Variants in GALNT5 observed in about 807,000 individuals in gnomAD.
GALNT5 encodes UDP-GalNAc:polypeptide N-acetylgalactosaminyltransferase 5.
Under a neutral mutation model 85.4 loss-of-function variants are expected in GALNT5, and 72 were observed. The ratio of observed to expected loss-of-function variants is 0.84; its 90% confidence interval spans 0.70 to 1.03. The LOEUF (loss-of-function observed/expected upper bound fraction) is 1.03. GALNT5 is among the 50% of genes least tolerant of loss of function. GALNT5 has a pLI of 0.00. For synonymous variants in GALNT5, 404 were observed against 397.0 expected, an observed-to-expected ratio of 1.02 and a Z score of -0.21; for missense variants, 1,137 against 1,135.5, an observed-to-expected ratio of 1.00 and a Z score of -0.02.
At chr2:157,303,135 T>G (rs934331834) in intron 7 of GALNT5, among the ~76,000 whole-genome samples, 1 of 152,174 alleles carries the variant, frequency 6.6e-6, no homozygotes, top group African/African-American at 2.4e-5. Flanking sequence ...AGAACAAACA[T>G]TTTCTTATCG....
chr2:157,258,727 C>T lies in GALNT5; in HGVS notation c.645C>T (p.Asp215=). The T allele has an allele frequency of 1.2e-6, 2 of 1,614,000 alleles. No individual in the cohort carries two copies. The highest frequency in any genetic ancestry group is 1.7e-6 in the Non-Finnish European group (2 of 1,179,994). ...CATCAAAACTAGCAGCTGAAAGGGACTTGAATGTGACCATCAGTCTTAGTA... is the reference window on the plus strand; with the variant it reads ...CATCAAAACTAGCAGCTGAAAGGGATTTGAATGTGACCATCAGTCTTAGTA... The part of the protein sequence containing the change: ...SDTSKLAAER[D]LNVTISLSTD... The change falls in exon 1 of 10, where the codon GAC becomes GAT. Residue 215 remains aspartate, a synonymous_variant. Coordinates refer to ENST00000259056, the MANE Select transcript of GALNT5 (RefSeq NM_014568.3).
chr2:157,300,887 AC>A lies in GALNT5; in HGVS notation c.2329del (p.Leu777SerfsTer11). ...ATCGACCAAGGGCTAGATGTTGGCA[AC>A]CTCACCCAGCAAAGGGAGCTGCGAA... ...HLIDQGLDVG[N>X]LTQQRELRKK... On this transcript the variant is annotated frameshift_variant, in exon 7 of 10. Transcript: ENST00000259056. LOFTEE classifies it high-confidence loss of function. The A allele has an allele frequency of 6.2e-7, 1 of 1,613,966 alleles. No individual in the cohort carries two copies. Among genetic ancestry groups the A allele is most frequent in the South Asian group, 1.1e-5 (1 of 91,080 alleles).
In GALNT5 at chr2:157,308,625, C is replaced by G. The variant is rs1371832237; in HGVS notation, c.2579C>G (p.Ala860Gly). ...RLIKCGEWCI[A>G]PIPDKGAVRL... ...ATTAAATGTGGAGAATGGTGTATAG[C>G]CCCCATCCCTGATAAAGGAGCCGTA... The change falls in exon 9 of 10, where the codon GCC becomes GGC. Residue 860 changes from alanine to glycine, a missense_variant. By Grantham distance (60) the Ala-to-Gly change is moderately conservative (BLOSUM62 0). Transcript: ENST00000259056. 6.2e-7 allele frequency: 1 copy of G among 1,612,752 alleles called. No individual in the cohort carries two copies. The highest frequency in any genetic ancestry group is 8.5e-7 in the Non-Finnish European group (1 of 1,178,910).
At chr2:157,287,520 G>T (rs372199221) in intron 3 of GALNT5, among the ~76,000 whole-genome samples, 1 of 151,564 alleles carries the variant, frequency 6.6e-6, no homozygotes, top group Non-Finnish European at 1.5e-5. Flanking sequence ...TGTTCAAATT[G>T]TCCCAAATTT....
At chr2:157,307,357 G>T (rs1382159330) in intron 8 of GALNT5, among the ~76,000 whole-genome samples, 1 of 152,332 alleles carries the variant, frequency 6.6e-6, no homozygotes, top group East Asian at 1.9e-4. Context: ...AAGACCCTTA[G>T]ATTGAATCAT....
intron 3 of GALNT5, among the ~76,000 whole-genome samples, chr2:157,287,431 C>A (rs1188530349): frequency 6.6e-6 from 1 of 152,016 alleles, no homozygotes; most frequent in Non-Finnish European, 1.5e-5. Context: ...CTCCCTCTCC[C>A]CTCCCTCTCA....
rs534431516 is a variant in GALNT5 at position 157,311,595 on chromosome 2, A to G, written c.*247A>G. ...TTGCCTGCTTTCCACCCTATGCTAG[A>G]CCTCATCATGCAAATTTCCCTGTGA... On this transcript the variant is annotated 3_prime_UTR_variant, in exon 10 of 10. Transcript: ENST00000259056. 3.4e-6 allele frequency: 1 copy of G among 297,952 alleles called. No individual in the cohort carries two copies. Among genetic ancestry groups the G allele is most frequent in the East Asian group, 6.8e-5 (1 of 14,698 alleles). 18.5% of individuals were successfully genotyped at this position (297,952 alleles called of 1,614,324 possible).
rs1271723512 is a variant in GALNT5, at chr2:157,257,710, G to A, written c.-373G>A. ...AGGAGAGAAACGGCAGTCTCAATCT[G>A]GCCCCCACCTTTTCTTGGGCTTGTA... On this transcript the variant is annotated 5_prime_UTR_variant, in exon 1 of 10. Transcript: ENST00000259056. 2 of 223,880 alleles carry A rather than the reference G, an allele frequency of 8.9e-6. No homozygotes were observed. Among genetic ancestry groups the A allele is most frequent in the Non-Finnish European group, 8.8e-6 (1 of 113,040 alleles). The allele number at this position is 223,880 out of a possible 1,614,324, so 13.9% of individuals were successfully genotyped here.
At chr2:157,271,500 C>T (rs974712609) in intron 1 of GALNT5, among the ~76,000 whole-genome samples, 2 of 152,132 alleles carry the variant, frequency 1.3e-5, no homozygotes, top group Non-Finnish European at 2.9e-5. Context: ...AGAGTGGATG[C>T]TCAAGAGCTA....
chr2:157,266,827 A>C (rs1682467743), intron 1 of GALNT5, among the ~76,000 whole-genome samples: 1 of 152,200 alleles, frequency 6.6e-6, no homozygotes, highest in Non-Finnish European at 1.5e-5. Flanking sequence ...CATTGGCAGA[A>C]ATTAAAACAC....
rs138822737 is a variant in GALNT5 at position 157,313,152 on chromosome 2, C to T, written c.*1804C>T. 2 of 152,102 alleles carry T rather than the reference C, an allele frequency of 1.3e-5. No individual in the cohort carries two copies. Among genetic ancestry groups the T allele is most frequent in the African/African-American group, 4.8e-5 (2 of 41,460 alleles). The allele number at this position is 152,102 out of a possible 1,614,324, so 9.4% of individuals were successfully genotyped here. On this transcript the variant is annotated 3_prime_UTR_variant, in exon 10 of 10. Coordinates refer to ENST00000259056, the MANE Select transcript of GALNT5 (RefSeq NM_014568.3). The stretch of plus-strand genomic sequence containing the variant: ...AATGATGTTTTAGTCAACAATGAAC[C>T]ACATATTTGACATTGGTCCCAAAAG...
Position 157,314,806 on chromosome 2 carries a change from G to A in GALNT5, c.*3458G>A, listed in dbSNP as rs993463289. Among the ~76,000 whole-genome samples, 5 of 152,056 alleles carry A rather than the reference G, an allele frequency of 3.3e-5. No individual in the cohort carries two copies. Among genetic ancestry groups the A allele is most frequent in the Admixed American group, 6.6e-5 (1 of 15,260 alleles). On this transcript the variant is annotated 3_prime_UTR_variant, in exon 10 of 10. Transcript: ENST00000259056. ...AAGAAAAAAAATTTACCAACCAGGCGCAGTGGCTCACACCTGTAATCCTAG... is the reference window on the plus strand; with the variant it reads ...AAGAAAAAAAATTTACCAACCAGGCACAGTGGCTCACACCTGTAATCCTAG...
At chr2:157,294,971 T>TC (rs1321116631) in intron 3 of GALNT5, among the ~76,000 whole-genome samples, 1 of 151,114 alleles carries the variant, frequency 6.6e-6, no homozygotes, top group Non-Finnish European at 1.5e-5. Flanking sequence ...TTTCCTTTTT[T>TC]TTTTCCTCCT....
chr2:157,282,906 C>A (rs756187448), intron 1 of GALNT5, among the ~76,000 whole-genome samples: 1 of 152,154 alleles, frequency 6.6e-6, no homozygotes, highest in Admixed American at 6.5e-5. Context: ...TACAGAATAG[C>A]ACTTTGGCAA....
chr2:157,286,664 C>A (rs544617420), intron 3 of GALNT5, among the ~76,000 whole-genome samples: 3 of 151,912 alleles, frequency 2.0e-5, no homozygotes, highest in Non-Finnish European at 4.4e-5. Flanking sequence ...CCACCATGCC[C>A]GGCTAATTTT....
At chr2:157,297,348 A>T (rs563387608) in intron 5 of GALNT5, among the ~76,000 whole-genome samples, 1 of 152,240 alleles carries the variant, frequency 6.6e-6, no homozygotes, top group South Asian at 2.1e-4. Flanking sequence ...TTTATTGAGC[A>T]CTCTGTGCCA....
At chr2:157,263,551 G>C (rs186388906) in intron 1 of GALNT5, among the ~76,000 whole-genome samples, 1 of 152,134 alleles carries the variant, frequency 6.6e-6, no homozygotes, top group Non-Finnish European at 1.5e-5. Flanking sequence ...ATCCTTGAAC[G>C]TCTGTTTTTC....
At chr2:157,270,277 G>A (rs922251610) in intron 1 of GALNT5, among the ~76,000 whole-genome samples, 1 of 152,036 alleles carries the variant, frequency 6.6e-6, no homozygotes, top group African/African-American at 2.4e-5. Context: ...CTTCTTACAC[G>A]CAGGCTGGCA....
chr2:157,294,784 C>CCACA (rs60607353), intron 3 of GALNT5, among the ~76,000 whole-genome samples: 201 of 147,028 alleles, frequency 1.4e-3, no homozygotes, highest in East Asian at 4.2e-3. Context: ...TCACATCACA[C>CCACA]CACACACACA....
Sources: gnomAD v4.1 joint callset for allele counts (sites outside exome capture counted in the v4.1 genomes callset) on GRCh38, gnomAD v4.1.1 for gene constraint, MANE v1.5 for transcripts, NCBI Gene and HGNC (gene_info 2026-07-23, HGNC 2026-07-21) for gene names.